The following ZBBX variants were observed in gnomAD, a reference collection of about 807,000 sequenced individuals.
ZBBX encodes zinc finger B-box domain containing.
Under a neutral mutation model 108.5 loss-of-function variants are expected in ZBBX, and 101 were observed. The observed-to-expected ratio is 0.93, with a 90% CI of 0.79 to 1.10. ZBBX has a LOEUF of 1.10. Ranked by LOEUF, ZBBX falls within the 50% of genes least tolerant of loss-of-function variation. The probability of loss-of-function intolerance (pLI) is 0.00; values close to 1 mark genes in which losing one functional copy is unlikely to be tolerated. For synonymous variants in ZBBX, 356 were observed against 323.4 expected (o/e 1.10, Z -1.08); for missense variants, 1,009 against 941.4 (o/e 1.07, Z -0.94).
chr3:167,254,907 A>AGAGAGAGAGAGAGAAT (rs1177116049), intron 20 of ZBBX, among the ~76,000 whole-genome samples: 44 of 150,018 alleles, frequency 2.9e-4, no homozygotes, highest in African/African-American at 6.8e-4. Context: ...AGAGAATGAG[A>AGAGAGAGAGAGAGAAT]GAGAGAGAGA....
chr3:167,398,912 T>G (rs1313996710), intron 1 of ZBBX, among the ~76,000 whole-genome samples: 2 of 151,992 alleles, frequency 1.3e-5, no homozygotes, highest in African/African-American at 2.4e-5. Context: ...GATTAATAGA[T>G]TAATGAAATA....
At chr3:167,274,985 G>A (rs572189117) in intron 20 of ZBBX, among the ~76,000 whole-genome samples, 34 of 152,216 alleles carry the variant, frequency 2.2e-4, no homozygotes, top group African/African-American at 7.7e-4. Flanking sequence ...ATATTCGAGT[G>A]CTGTTTCTTT....
At chr3:167,230,761 A>G in the ZBBX span, among the ~76,000 whole-genome samples, 2 of 151,764 alleles carry the variant, frequency 1.3e-5, no homozygotes, top group African/African-American at 4.8e-5. Flanking sequence ...AGCGATTGGG[A>G]AAAAGTAGGC....
chr3:167,331,292 T>C (rs550176257), intron 10 of ZBBX, among the ~76,000 whole-genome samples: 12 of 152,080 alleles, frequency 7.9e-5, no homozygotes, highest in Non-Finnish European at 1.5e-4. Flanking sequence ...AACAATAACA[T>C]TTATAGGTTT....
chr3:167,403,909 A>G (rs1276173018), intron 1 of ZBBX, among the ~76,000 whole-genome samples: 2 of 152,150 alleles, frequency 1.3e-5, no homozygotes, highest in Admixed American at 1.3e-4. Context: ...CAAAAGAAGA[A>G]CAAAAAATTA....
In ZBBX at chr3:167,242,662, T is replaced by C. The variant is rs1052589247; in HGVS notation, c.2255-19A>G. The C allele has an allele frequency of 1.9e-6, 3 of 1,603,414 alleles. No homozygotes were observed. The highest frequency in any genetic ancestry group is 1.7e-5 in the Admixed American group (1 of 58,620). ...GAAGTATCTGAAATATTTTATTTCA[T>C]GCATTGTCAAAACATAAATTCAAGA... On this transcript the variant is annotated intron_variant, in intron 20 of 21. Coordinates refer to ENST00000675490, the MANE Select transcript of ZBBX (RefSeq NM_001199201.2).
intron 1 of ZBBX, among the ~76,000 whole-genome samples, chr3:167,396,310 G>A (rs1748233916): frequency 6.6e-6 from 1 of 151,932 alleles, no homozygotes; most frequent in Non-Finnish European, 1.5e-5. Flanking sequence ...AAATCTCTTT[G>A]CATAGTTGTA....
At chr3:167,371,243 C>T (rs951774401) in intron 4 of ZBBX, among the ~76,000 whole-genome samples, 11 of 152,178 alleles carry the variant, frequency 7.2e-5, no homozygotes, top group Non-Finnish European at 1.0e-4. Context: ...CTGCCTTTTT[C>T]TCCACCTTTC....
the ZBBX span, among the ~76,000 whole-genome samples, chr3:167,220,456 A>T: frequency 6.6e-6 from 1 of 152,122 alleles, no homozygotes; most frequent in South Asian, 2.1e-4. Context: ...AATGTGATAC[A>T]TCACATAAAC....
upstream of ZBBX, among the ~76,000 whole-genome samples, chr3:167,380,872 A>G (rs1034940776): frequency 6.2e-4 from 89 of 144,498 alleles, no homozygotes; most frequent in African/African-American, 2.2e-3. Context: ...ATATGCACAC[A>G]CACACACACA....
chr3:167,179,419 G>A, the ZBBX span, among the ~76,000 whole-genome samples: 1 of 152,342 alleles, frequency 6.6e-6, no homozygotes, highest in East Asian at 1.9e-4. Flanking sequence ...TAGCAACTAG[G>A]CCATCAGCCA....
chr3:167,194,229 A>AATATATAT, the ZBBX span, among the ~76,000 whole-genome samples: 829 of 139,812 alleles, frequency 5.9e-3, 5 homozygotes, highest in South Asian at 0.019. Context: ...ATATGTACTA[A>AATATATAT]ATATATATAT....
chr3:167,358,932 T>A (rs1744053960), intron 8 of ZBBX, among the ~76,000 whole-genome samples: 1 of 56,702 alleles, frequency 1.8e-5, no homozygotes, highest in Non-Finnish European at 2.9e-5. Flanking sequence ...CAAGACTCCA[T>A]CTCAAAAAAA....
chr3:167,338,487 T>G (rs1739959895), intron 9 of ZBBX, among the ~76,000 whole-genome samples: 1 of 151,492 alleles, frequency 6.6e-6, no homozygotes, highest in Non-Finnish European at 1.5e-5. Flanking sequence ...CAATAAATAT[T>G]AATAATCATG....
At chr3:167,365,678 T>C (rs896578595) in intron 6 of ZBBX, among the ~76,000 whole-genome samples, 1 of 151,776 alleles carries the variant, frequency 6.6e-6, no homozygotes, top group African/African-American at 2.4e-5. Flanking sequence ...AGGTAAAATT[T>C]TGAAATCAGT....
chr3:167,399,884 C>T (rs1748366332), intron 1 of ZBBX, among the ~76,000 whole-genome samples: 1 of 151,964 alleles, frequency 6.6e-6, no homozygotes, highest in African/African-American at 2.4e-5. Context: ...TCTAGTAGTC[C>T]TCAGCATCTA....
At chr3:167,207,368 G>A in the ZBBX span, among the ~76,000 whole-genome samples, 1 of 152,154 alleles carries the variant, frequency 6.6e-6, no homozygotes, top group African/African-American at 2.4e-5. Flanking sequence ...GTAAGATAAT[G>A]TGTTTTTTCC....
intron 9 of ZBBX, among the ~76,000 whole-genome samples, chr3:167,341,814 T>A (rs1740578029): frequency 6.6e-6 from 1 of 151,962 alleles, no homozygotes; most frequent in South Asian, 2.1e-4. Flanking sequence ...TGCAATGAAA[T>A]GGATAACATT....
chr3:167,381,627 T>A (rs1378298961), upstream of ZBBX, among the ~76,000 whole-genome samples: 2 of 152,182 alleles, frequency 1.3e-5, no homozygotes, highest in Non-Finnish European at 2.9e-5. Flanking sequence ...TTGCACAGAC[T>A]ATTTCCCATA....
Sources: allele counts gnomAD v4.1 joint callset (sites outside exome capture counted in the v4.1 genomes callset), GRCh38; gene constraint gnomAD v4.1.1; transcripts MANE v1.5; gene names NCBI Gene and HGNC (gene_info 2026-07-23, HGNC 2026-07-21).